Variants in TRIP11 observed in about 807,000 individuals in gnomAD.
The protein encoded by TRIP11 is thyroid hormone receptor interactor 11.
Under a neutral mutation model 223.1 loss-of-function variants are expected in TRIP11, and 148 were observed. The ratio of observed to expected loss-of-function variants is 0.66; its 90% CI spans 0.58 to 0.76. The LOEUF is 0.76. TRIP11 is among the 30% of genes least tolerant of loss of function. TRIP11 has a pLI of 0.00. For missense variants in TRIP11, 2,043 were observed against 2,222.0 expected, an observed-to-expected ratio of 0.92 and a Z score of 1.62; for synonymous variants, 762 against 772.6, an observed-to-expected ratio of 0.99 and a Z score of 0.23.
In TRIP11 at chr14:91,972,018, A is replaced by C. The variant is rs118145290; in HGVS notation, c.5719+699T>G. On this transcript the variant is annotated intron_variant, in intron 20 of 20. Coordinates refer to ENST00000267622, the MANE Select transcript of TRIP11 (RefSeq NM_004239.4). ...AGATTTCAGAAGAGCTCTTCCAATA[A>C]AGAATTTGTTTATAGTCCAACAGAT... Among the ~76,000 whole-genome samples the C allele has an allele frequency of 9.8e-3, 1,491 of 152,310 alleles. 13 individuals carry two copies. Among genetic ancestry groups the C allele is most frequent in the Middle Eastern group, 0.017 (5 of 294 alleles).
chr14:92,008,278 T>TG (rs2056930106), intron 9 of TRIP11, among the ~76,000 whole-genome samples: 1 of 152,164 alleles, frequency 6.6e-6, no homozygotes, highest in Non-Finnish European at 1.5e-5. Context: ...CATCCAGTCA[T>TG]CAACAGCCTC....
chr14:91,984,738 G>T (rs956204397), intron 16 of TRIP11, among the ~76,000 whole-genome samples: 13 of 152,292 alleles, frequency 8.5e-5, no homozygotes, highest in Non-Finnish European at 1.3e-4. Flanking sequence ...TCAGTCACAG[G>T]TGTATAATTT....
rs2057117400 is a variant in TRIP11 at position 92,021,720 on chromosome 14, C to G, written c.424G>C (p.Ala142Pro). The G allele has an allele frequency of 1.2e-6, 2 of 1,614,158 alleles. No homozygotes were observed. The highest frequency in any genetic ancestry group is 1.7e-6 in the Non-Finnish European group (2 of 1,180,034). The change falls in exon 4 of 21, where the codon GCA (alanine) becomes CCA (proline). Residue 142 changes from alanine (A) to proline (P), a missense_variant. Coordinates refer to ENST00000267622, the MANE Select transcript of TRIP11 (RefSeq NM_004239.4). ...ATCCCATAAGCGAATGAAGATGATG[C>G]AGTGGTTGCTGGTACACCAGCTCCT... Reference protein sequence around the residue: ...PSGAGVPATTASSSFAYGISH... With the variant: ...PSGAGVPATTPSSSFAYGISH...
chr14:92,010,885 G>A (rs776081311), intron 9 of TRIP11, 101 bp downstream of exon 9: 26 of 1,103,834 alleles, frequency 2.4e-5, no homozygotes, highest in Non-Finnish European at 3.5e-5. Flanking sequence ...CTAAGGACTT[G>A]AGCTCAATTA....
intron 4 of TRIP11, among the ~76,000 whole-genome samples, chr14:92,019,032 C>T (rs2140134754): frequency 6.7e-6 from 1 of 149,276 alleles, no homozygotes; most frequent in Non-Finnish European, 1.5e-5. Flanking sequence ...ATACATCTAT[C>T]TCATAATTAT....
At position 92,039,944 on chromosome 14, in the gene TRIP11, C is replaced by G. The variant is rs1023217470; in HGVS notation, c.-259G>C. Reference sequence around the variant, plus strand: ...TCTGCTCATTCCCACGAATTCCCACCGTCCAGATTGGGCCACTTCTTTCTC... The same window carrying G: ...TCTGCTCATTCCCACGAATTCCCACGGTCCAGATTGGGCCACTTCTTTCTC... On this transcript the variant is annotated 5_prime_UTR_variant, in exon 1 of 21. Transcript: ENST00000267622. 2 of 606,158 alleles carry G rather than the reference C, an allele frequency of 3.3e-6. No homozygotes were observed. The highest frequency in any genetic ancestry group is 6.0e-5 in the East Asian group (2 of 33,148). 37.5% of individuals were successfully genotyped at this position (606,158 alleles called of 1,614,324 possible).
intron 5 of TRIP11, 91 bp from the exon 6 acceptor site, chr14:92,015,952 T>G: frequency 8.0e-7 from 1 of 1,242,976 alleles, no homozygotes; most frequent in Non-Finnish European, 1.1e-6. Flanking sequence ...TGTGCATTAT[T>G]AAAAAGAATT....
intron 15 of TRIP11, among the ~76,000 whole-genome samples, chr14:91,991,471 T>A (rs1161875137): frequency 6.6e-6 from 1 of 152,190 alleles, no homozygotes. Context: ...TAATGTCAAG[T>A]GTTGACAAGG....
chr14:91,975,446 C>T (rs1453645457), intron 17 of TRIP11, among the ~76,000 whole-genome samples, 160 bp from the exon 18 acceptor site: 1 of 151,926 alleles, frequency 6.6e-6, no homozygotes, highest in Non-Finnish European at 1.5e-5. Flanking sequence ...CTTGACAAGT[C>T]TAATATTTCA....
chr14:91,993,973 A>C, intron 14 of TRIP11, 61 bp from the exon 15 acceptor site: 1 of 1,320,052 alleles, frequency 7.6e-7, no homozygotes, highest in Non-Finnish European at 1.1e-6. Context: ...TAGAATGTTA[A>C]GCCATTTTAA....
chr14:92,028,826 C>T (rs1225316572), intron 2 of TRIP11, among the ~76,000 whole-genome samples: 3 of 152,218 alleles, frequency 2.0e-5, no homozygotes, highest in South Asian at 2.1e-4. Flanking sequence ...ATCCATAGGA[C>T]ACTCACATCT....
chr14:91,966,871 G>A lies in TRIP11; in HGVS notation c.*2802C>T. 9.2e-6 allele frequency: 2 copies of A among 217,942 alleles called. No homozygotes were observed. Among genetic ancestry groups the A allele is most frequent in the Non-Finnish European group, 1.8e-5 (2 of 108,478 alleles). 13.5% of individuals were successfully genotyped at this position (217,942 alleles called of 1,614,324 possible). On this transcript the variant is annotated 3_prime_UTR_variant, in exon 21 of 21. Transcript: ENST00000267622. ...GGAATTCAACCACAAATTCTACTGA[G>A]TGGATAGAGAAATAAACAGAAAAAT...
Position 92,003,979 on chromosome 14 carries a change from T to G in TRIP11, c.3997A>C (p.Ser1333Arg), listed in dbSNP as rs550233446. The G allele has an allele frequency of 3.7e-5, 59 of 1,614,178 alleles. No individual in the cohort carries two copies. The South Asian group carries it at 6.0e-4, about 17-fold the overall frequency. Reference protein sequence around the residue: ...TPQSAECLRASKSEVLSESSE... With the variant: ...TPQSAECLRARKSEVLSESSE... ...GATTCACTCAATACTTCAGACTTAC[T>G]TGCTCTAAGACACTCTGCAGACTGG... The change falls in exon 11 of 21, where the codon AGT becomes CGT. Residue 1333 changes from serine to arginine, a missense_variant. Ser to Arg is a moderately radical substitution (Grantham distance 110, BLOSUM62 -1). Transcript: ENST00000267622.
rs1566855416 is a variant in TRIP11, at chr14:91,999,220, C to A, written c.4892+20G>T. The A allele has an allele frequency of 1.2e-6, 2 of 1,610,222 alleles. No individual in the cohort carries two copies. The highest frequency in any genetic ancestry group is 8.5e-7 in the Non-Finnish European group (1 of 1,179,332). On this transcript the variant is annotated intron_variant, in intron 13 of 20. Transcript: ENST00000267622. ...AAGAAGTGTTCAGTTAAAGTTAATG[C>A]AAAAAAATGAAAAAATTACCTTGCA...
chr14:92,000,161 TA>T (rs2056805741), intron 11 of TRIP11, 53 bp from the exon 12 acceptor site: 1 of 1,606,640 alleles, frequency 6.2e-7, no homozygotes, highest in African/African-American at 1.3e-5. Context: ...ACACATATTT[TA>T]AAAGAGACAT....
intron 11 of TRIP11, among the ~76,000 whole-genome samples, chr14:92,001,439 T>C (rs2056824996): frequency 6.6e-6 from 1 of 151,440 alleles, no homozygotes. Flanking sequence ...TAGATCTGAA[T>C]ATCTCCTATT....
Position 92,005,939 on chromosome 14 carries a change from A to G in TRIP11, c.2037T>C (p.Asn679=). Residue 679 remains asparagine (N), a synonymous_variant, in exon 11 of 21, where the codon AAT becomes AAC. Transcript: ENST00000267622. ...KKVAFDVKME[N]EKLVLACEDV... ...CTTCACATGCTAAAACTAACTTTTCATTTTCCATTTTGACATCAAAAGCAA... is the reference window on the plus strand; with the variant it reads ...CTTCACATGCTAAAACTAACTTTTCGTTTTCCATTTTGACATCAAAAGCAA... 3 of 1,613,404 alleles carry G rather than the reference A, an allele frequency of 1.9e-6. No individual in the cohort carries two copies. Among genetic ancestry groups the G allele is most frequent in the Non-Finnish European group, 2.5e-6 (3 of 1,179,898 alleles).
intron 11 of TRIP11, among the ~76,000 whole-genome samples, chr14:92,002,573 T>TTTTTTC (rs2056840036): frequency 6.6e-6 from 1 of 151,958 alleles, no homozygotes; most frequent in Non-Finnish European, 1.5e-5. Context: ...TTCTTTTTTT[T>TTTTTTC]TTTTTCTTTT....
intron 16 of TRIP11, chr14:91,977,253 T>G: frequency 2.2e-6 from 1 of 453,860 alleles, no homozygotes; most frequent in Admixed American, 2.4e-5. Flanking sequence ...TGATATCTTT[T>G]GAAACACAAA....
Sources: allele counts gnomAD v4.1 joint callset (sites outside exome capture counted in the v4.1 genomes callset), GRCh38; gene constraint gnomAD v4.1.1; transcripts MANE v1.5; gene names NCBI Gene and HGNC (gene_info 2026-07-23, HGNC 2026-07-21).